Variants in THOC1 observed in about 807,000 individuals in gnomAD.
THOC1 encodes THO complex subunit 1.
THOC1 carries 29 observed loss-of-function variants against 97.3 expected under a neutral mutation model. The ratio of observed to expected loss-of-function variants is 0.30; its 90% CI spans 0.22 to 0.41. The LOEUF is 0.41. Among genes scored for constraint, THOC1 ranks in the 10% least tolerant of loss-of-function variants. The pLI, the probability that THOC1 is intolerant of heterozygous loss-of-function variation, is 1.00. For missense variants in THOC1, 529 were observed against 761.9 expected (o/e 0.69, Z 3.60); for synonymous variants, 255 against 257.0 (o/e 0.99, Z 0.07).
chr18:239,502 C>T (rs1026801914), intron 11 of THOC1, among the ~76,000 whole-genome samples: 6 of 152,116 alleles, frequency 3.9e-5, no homozygotes, highest in Admixed American at 2.0e-4. Context: ...GACAGAGTTT[C>T]GCTGTGTTGG....
At chr18:221,778 T>G (rs1279802207) in intron 17 of THOC1, among the ~76,000 whole-genome samples, 2 of 152,080 alleles carry the variant, frequency 1.3e-5, no homozygotes, top group African/African-American at 4.8e-5. Context: ...TTGGCTAATT[T>G]TTTGTATTTT....
At chr18:264,617 G>A (rs1475208551) in intron 3 of THOC1, among the ~76,000 whole-genome samples, 2 of 152,148 alleles carry the variant, frequency 1.3e-5, no homozygotes, top group Non-Finnish European at 2.9e-5. Flanking sequence ...GCACAGAAAA[G>A]GAAAAGAACT....
chr18:227,663 G>T (rs188397499), intron 11 of THOC1, among the ~76,000 whole-genome samples: 7 of 152,266 alleles, frequency 4.6e-5, no homozygotes, highest in Admixed American at 4.6e-4. Context: ...GATGAAGGAA[G>T]GTCATTCTGA....
intron 11 of THOC1, among the ~76,000 whole-genome samples, chr18:236,061 C>T (rs1911672077): frequency 6.6e-6 from 1 of 152,016 alleles, no homozygotes; most frequent in Non-Finnish European, 1.5e-5. Flanking sequence ...TGTTTCTTGT[C>T]CTATTTATAC....
At chr18:259,063 C>T (rs1912523045) in intron 7 of THOC1, 117 bp downstream of exon 7, 1 of 716,576 alleles carries the variant, frequency 1.4e-6, no homozygotes, top group African/African-American at 1.8e-5. Flanking sequence ...GTGACAATTT[C>T]TATGATGTCT....
intron 18 of THOC1, among the ~76,000 whole-genome samples, chr18:217,473 G>C (rs1910932398): frequency 6.6e-6 from 1 of 152,062 alleles, no homozygotes; most frequent in African/African-American, 2.4e-5. Flanking sequence ...ATCACTTTAG[G>C]AATGAGTCCA....
rs200864980 is a variant in THOC1 at position 267,981 on chromosome 18, C to A, written c.39G>T (p.Ala13=). ...TACAGCTCACCGTAAACCGCGTCCG[C>A]GCTTCGGGCAAACTGAAGAGCGGCG... ...PTPPLFSLPE[A]RTRFTKSTRE... Residue 13 remains alanine (A), a synonymous_variant, in exon 1 of 21, where the codon GCG becomes GCT. Transcript: ENST00000261600. 1.9e-6 allele frequency: 3 copies of A among 1,611,784 alleles called. No homozygotes were observed. Among genetic ancestry groups the A allele is most frequent in the Non-Finnish European group, 2.5e-6 (3 of 1,179,148 alleles).
At chr18:255,792 T>G (rs1912418926) in intron 7 of THOC1, among the ~76,000 whole-genome samples, 1 of 152,232 alleles carries the variant, frequency 6.6e-6, no homozygotes, top group African/African-American at 2.4e-5. Context: ...AGGCTGACTC[T>G]CTTGTTAGGA....
Position 268,013 on chromosome 18 carries a change from G to C in THOC1, c.7C>G (p.Pro3Ala). MS[P>A]TPPLFSLPEA... is the part of the protein sequence containing the mutation. ...GGCAAACTGAAGAGCGGCGGCGTCG[G>C]AGACATCTTCTCGGCTGCGCGTGCC... The change falls in exon 1 of 21, where the codon CCG becomes GCG. Residue 3 changes from proline to alanine, a missense_variant. Physicochemically the swap from Pro to Ala is conservative, Grantham distance 27. Coordinates refer to ENST00000261600, the MANE Select transcript of THOC1 (RefSeq NM_005131.3). 2 of 1,604,822 alleles carry C rather than the reference G, an allele frequency of 1.2e-6. No homozygotes were observed. Among genetic ancestry groups the C allele is most frequent in the Non-Finnish European group, 1.7e-6 (2 of 1,175,896 alleles).
chr18:260,055 A>T, intron 5 of THOC1, 131 bp downstream of exon 5: 1 of 608,698 alleles, frequency 1.6e-6, no homozygotes, highest in Non-Finnish European at 2.7e-6. Flanking sequence ...AGCAGTATAT[A>T]ATTTTTTCAT....
intron 15 of THOC1, 46 bp from the exon 16 acceptor site, chr18:224,225 A>G (rs1309565979): frequency 3.1e-6 from 4 of 1,307,856 alleles, no homozygotes; most frequent in Non-Finnish European, 4.3e-6. Context: ...ACAAATGGAT[A>G]ACAGAAATAG....
Position 224,963 on chromosome 18 carries a change from G to C in THOC1, c.1169C>G (p.Ser390Trp). The C allele has an allele frequency of 7.0e-6, 11 of 1,575,018 alleles. No individual in the cohort carries two copies. The highest frequency in any genetic ancestry group is 9.5e-6 in the Non-Finnish European group (11 of 1,158,154). Residue 390 changes from serine (S) to tryptophan (W), a missense_variant, in exon 15 of 21, where the codon TCG becomes TGG. Physicochemically the swap from Ser to Trp is radical, Grantham distance 177. Coordinates refer to ENST00000261600, the MANE Select transcript of THOC1 (RefSeq NM_005131.3). ...ACTTGGGCAACCTTCATTTTTCCACGAGTTCCAGTTTTCTTCAGTGTTTAA... is the reference window on the plus strand; with the variant it reads ...ACTTGGGCAACCTTCATTTTTCCACCAGTTCCAGTTTTCTTCAGTGTTTAA... ...HILNTEENWNSWKNEGCPSFV... is the reference protein window; with the variant it reads ...HILNTEENWNWWKNEGCPSFV...
At chr18:265,055 C>T in intron 3 of THOC1, 2 of 432,054 alleles carry the variant, frequency 4.6e-6, no homozygotes, top group South Asian at 3.2e-5. Context: ...TTCCTAAGAC[C>T]TCATGTCAAC....
intron 11 of THOC1, chr18:244,189 A>G (rs1912008732): frequency 6.6e-6 from 1 of 152,110 alleles, no homozygotes. Context: ...CATCTAGTTA[A>G]GTTCCACGTT....
intron 8 of THOC1, among the ~76,000 whole-genome samples, chr18:253,194 T>A (rs953925440): frequency 6.6e-6 from 1 of 152,214 alleles, no homozygotes; most frequent in Admixed American, 6.5e-5. Flanking sequence ...TGGTATAACC[T>A]TTTTGAGAAG....
In THOC1 at chr18:221,810, G is replaced by A. The variant is rs748544331; in HGVS notation, c.1370+1630C>T. Among the ~76,000 whole-genome samples the A allele has an allele frequency of 2.0e-4, 30 of 152,040 alleles. 1 individual carries two copies. The highest frequency in any genetic ancestry group is 1.9e-3 in the South Asian group (9 of 4,810). ...TTTTTAGTAGAGACGGGGTTTCACC[G>A]TGTTAGCCACGATGGTCTCTATCTC... On this transcript the variant is annotated intron_variant, in intron 17 of 20. Transcript: ENST00000261600.
intron 10 of THOC1, among the ~76,000 whole-genome samples, chr18:247,467 C>A (rs1448026614): frequency 6.6e-6 from 1 of 152,156 alleles, no homozygotes; most frequent in East Asian, 1.9e-4. Flanking sequence ...GGTACTATTC[C>A]AATAAACCTT....
At chr18:238,866 A>G (rs952952358) in intron 11 of THOC1, among the ~76,000 whole-genome samples, 4 of 152,230 alleles carry the variant, frequency 2.6e-5, no homozygotes, top group African/African-American at 7.2e-5. Flanking sequence ...AATGTTTTAC[A>G]TTAGTACTGT....
At chr18:243,452 C>T (rs189910249) in intron 11 of THOC1, among the ~76,000 whole-genome samples, 1 of 152,140 alleles carries the variant, frequency 6.6e-6, no homozygotes, top group African/African-American at 2.4e-5. Flanking sequence ...GCAGGAGAAT[C>T]GCTTAAACCC....
Sources: gnomAD v4.1 joint callset for allele counts (sites outside exome capture counted in the v4.1 genomes callset) on GRCh38, gnomAD v4.1.1 for gene constraint, MANE v1.5 for transcripts, NCBI Gene and HGNC (gene_info 2026-07-23, HGNC 2026-07-21) for gene names.